The following FHIT variants were observed in gnomAD, a reference collection of about 807,000 sequenced individuals.
The protein encoded by FHIT is fragile histidine triad diadenosine triphosphatase, also known as bis(5'-adenosyl)-triphosphatase.
A neutral mutation model predicts 17.9 loss-of-function variants in FHIT; 19 were observed. That is an observed-to-expected ratio of 1.06 (90% CI 0.74 to 1.56). The LOEUF is 1.56. Ranked by LOEUF, FHIT falls within the 40% of genes most tolerant of loss-of-function variation. The pLI is 0.00. For synonymous variants in FHIT, 81 were observed against 69.7 expected (o/e 1.16, Z -0.81); for missense variants, 248 against 189.2 (o/e 1.31, Z -1.82).
At chr3:61,227,218 T>C (rs543462861) in intron 1 of FHIT, among the ~76,000 whole-genome samples, 4 of 152,184 alleles carry the variant, frequency 2.6e-5, no homozygotes, top group Non-Finnish European at 5.9e-5. Flanking sequence ...GAAGATATAA[T>C]GGAGTAAATG....
intron 8 of FHIT, among the ~76,000 whole-genome samples, chr3:59,899,180 G>C (rs1269758018): frequency 4.6e-5 from 7 of 152,152 alleles, no homozygotes; most frequent in Non-Finnish European, 1.0e-4. Context: ...ACTCACAATG[G>C]ACTTCAGAAA....
chr3:60,346,980 A>G (rs1441430104), intron 5 of FHIT, among the ~76,000 whole-genome samples: 1 of 152,220 alleles, frequency 6.6e-6, no homozygotes, highest in African/African-American at 2.4e-5. Flanking sequence ...CGTATCATCT[A>G]GAAATATAAT....
chr3:60,472,137 C>T (rs2033118704), intron 5 of FHIT, among the ~76,000 whole-genome samples: 1 of 143,548 alleles, frequency 7.0e-6, no homozygotes, highest in Non-Finnish European at 1.5e-5. Flanking sequence ...GCACTAGTAG[C>T]TCTCAGTCTA....
At chr3:60,494,196 C>G (rs2034192435) in intron 5 of FHIT, among the ~76,000 whole-genome samples, 4 of 152,158 alleles carry the variant, frequency 2.6e-5, no homozygotes, top group Non-Finnish European at 5.9e-5. Flanking sequence ...GTGGCCATTA[C>G]AGCCATTCTA....
At chr3:60,619,318 A>G (rs2039046584) in intron 4 of FHIT, among the ~76,000 whole-genome samples, 1 of 152,158 alleles carries the variant, frequency 6.6e-6, no homozygotes, top group Admixed American at 6.5e-5. Flanking sequence ...TAATAAATAC[A>G]AAGAAAATGA....
chr3:60,530,950 A>C (rs2107586380), intron 5 of FHIT, among the ~76,000 whole-genome samples: 1 of 152,366 alleles, frequency 6.6e-6, no homozygotes, highest in Non-Finnish European at 1.5e-5. Flanking sequence ...AACCTTTCCC[A>C]CAGAAGTAGG....
intron 6 of FHIT, among the ~76,000 whole-genome samples, chr3:60,013,540 C>T (rs1300810152): frequency 6.6e-6 from 1 of 152,148 alleles, no homozygotes; most frequent in African/African-American, 2.4e-5. Flanking sequence ...CCACACCCAA[C>T]CAGTGAATCT....
At chr3:60,256,064 T>C (rs554592946) in intron 5 of FHIT, among the ~76,000 whole-genome samples, 8 of 152,266 alleles carry the variant, frequency 5.3e-5, no homozygotes, top group South Asian at 4.2e-4. Context: ...CCCACCTTTA[T>C]ACCTATGTGA....
intron 8 of FHIT, among the ~76,000 whole-genome samples, chr3:59,825,969 T>G (rs1277624529): frequency 6.6e-6 from 1 of 152,224 alleles, no homozygotes. Flanking sequence ...GCTGCTTTCT[T>G]GCTAAAAATA....
chr3:60,047,834 C>G lies in FHIT; in HGVS notation c.104-33682G>C, dbSNP rs117356419. On this transcript the variant is annotated intron_variant, in intron 5 of 9. Transcript: ENST00000492590. ...AGACTAGATTTAAGATCAACCCCAT[C>G]TGACTTAGGGGTTCTGCTCTTACTG... 2.0e-3 allele frequency among the ~76,000 whole-genome samples: 308 copies of G among 152,326 alleles called. 4 individuals are homozygous for G. The East Asian group carries it at 0.049, about 24-fold the overall frequency.
chr3:59,990,898 T>C (rs748321314), intron 7 of FHIT, among the ~76,000 whole-genome samples: 5 of 150,580 alleles, frequency 3.3e-5, no homozygotes, highest in Non-Finnish European at 7.4e-5. Flanking sequence ...TTCCAGGAAA[T>C]AATTTTTTAT....
chr3:60,132,612 G>C (rs903019052), intron 5 of FHIT, among the ~76,000 whole-genome samples: 5 of 152,052 alleles, frequency 3.3e-5, no homozygotes, highest in Admixed American at 6.6e-5. Context: ...TTAATAAATG[G>C]GTGAGGATAT....
chr3:60,294,450 T>C (rs1708120076), intron 5 of FHIT, among the ~76,000 whole-genome samples: 1 of 152,180 alleles, frequency 6.6e-6, no homozygotes. Context: ...CAGCAGAACT[T>C]GCACCAGAAT....
intron 5 of FHIT, among the ~76,000 whole-genome samples, chr3:60,324,624 G>C (rs940299543): frequency 6.6e-6 from 1 of 151,420 alleles, no homozygotes; most frequent in Non-Finnish European, 1.5e-5. Context: ...TAGAGTTGTG[G>C]TTGAAAAGGG....
chr3:60,577,217 G>A (rs1371885607), intron 4 of FHIT, among the ~76,000 whole-genome samples: 1 of 152,090 alleles, frequency 6.6e-6, no homozygotes, highest in African/African-American at 2.4e-5. Flanking sequence ...CACTGAGCTA[G>A]TTCAGGGAAC....
At chr3:60,007,743 G>C (rs763541881) in intron 7 of FHIT, among the ~76,000 whole-genome samples, 4 of 152,172 alleles carry the variant, frequency 2.6e-5, no homozygotes, top group Non-Finnish European at 5.9e-5. Context: ...TGATAAAAGA[G>C]TATGACTTGA....
chr3:60,159,853 G>C (rs763023006), intron 5 of FHIT, among the ~76,000 whole-genome samples: 11 of 152,232 alleles, frequency 7.2e-5, no homozygotes, highest in East Asian at 1.9e-4. Context: ...ATAACCATGA[G>C]GACACATTGC....
At chr3:60,918,936 T>A (rs1461470132) in intron 3 of FHIT, among the ~76,000 whole-genome samples, 1 of 152,210 alleles carries the variant, frequency 6.6e-6, no homozygotes, top group African/African-American at 2.4e-5. Context: ...TGATAAGGGC[T>A]TTTATTTATG....
chr3:60,793,843 C>A (rs1406939952), intron 4 of FHIT, among the ~76,000 whole-genome samples: 2 of 152,174 alleles, frequency 1.3e-5, no homozygotes, highest in Non-Finnish European at 2.9e-5. Context: ...TCTCAGCAGA[C>A]CTAGTGAAGC....
Sources: gnomAD v4.1 joint callset for allele counts (sites outside exome capture counted in the v4.1 genomes callset) on GRCh38, gnomAD v4.1.1 for gene constraint, MANE v1.5 for transcripts, NCBI Gene and HGNC (gene_info 2026-07-23, HGNC 2026-07-21) for gene names.